The following USP42 variants were observed in gnomAD, a reference collection of about 807,000 sequenced individuals.
USP42 encodes ubiquitin carboxyl-terminal hydrolase 42.
In USP42, 23 loss-of-function variants were observed where a neutral mutation model predicts 113.0. The observed-to-expected ratio is 0.20, with a 90% CI of 0.15 to 0.29. USP42 has a LOEUF of 0.29. Among genes scored for constraint, USP42 ranks in the 10% least tolerant of loss-of-function variants. The pLI, the probability that USP42 is intolerant of heterozygous loss-of-function variation, is 1.00. For synonymous variants in USP42, 933 were observed against 699.0 expected (o/e 1.33, Z -5.28); for missense variants, 2,174 against 1,779.8 (o/e 1.22, Z -3.99).
rs760341494 is a variant in USP42 at position 6,140,936 on chromosome 7, C to T, written c.747C>T (p.Gly249=). ...RSRVKCLNCK[G]VSDTFDPYLD... The stretch of plus-strand genomic sequence containing the variant: ...CAGTCAAATGTTTAAATTGCAAGGG[C>T]GTTTCAGATACTTTTGATCCATATC... The change falls in exon 7 of 18, where the codon GGC becomes GGT. Residue 249 remains glycine, a synonymous_variant. Coordinates refer to ENST00000306177, the MANE Select transcript of USP42 (RefSeq NM_032172.3). 1.3e-5 allele frequency: 21 copies of T among 1,560,268 alleles called. No homozygotes were observed. Among genetic ancestry groups the T allele is most frequent in the South Asian group, 9.7e-5 (8 of 82,686 alleles).
Position 6,139,301 on chromosome 7 carries a change from T to C in USP42, c.656+107T>C, listed in dbSNP as rs1203130219. On this transcript the variant is annotated intron_variant, in intron 5 of 17. Coordinates refer to ENST00000306177, the MANE Select transcript of USP42 (RefSeq NM_032172.3). The surrounding 1 kb of genome is among the most constrained non-coding windows in gnomAD (Gnocchi z 4.5). ...TTTTTGTTGGAAGCACACAGAACAG[T>C]GTTCACTTTACCTTTTGGCTTTGCT... 3.5e-6 allele frequency: 3 copies of C among 852,584 alleles called. No homozygotes were observed. Among genetic ancestry groups the C allele is most frequent in the East Asian group, 2.9e-5 (1 of 34,328 alleles). The allele number at this position is 852,584 out of a possible 1,614,324, so 52.8% of individuals were successfully genotyped here. A position where few individuals can be genotyped will look rare whatever the true frequency, so the allele number is the denominator to read the frequency against.
intron 3 of USP42, among the ~76,000 whole-genome samples, chr7:6,123,749 G>A (rs1242725875): frequency 2.7e-5 from 4 of 150,254 alleles, no homozygotes; most frequent in Non-Finnish European, 5.9e-5. Flanking sequence ...TCGGGAGGCC[G>A]AGGTAGGAGA....
intron 4 of USP42, among the ~76,000 whole-genome samples, chr7:6,138,456 C>G (rs1206142091): frequency 6.6e-6 from 1 of 152,194 alleles, no homozygotes; most frequent in African/African-American, 2.4e-5. Flanking sequence ...GCATTTTGGA[C>G]AAACTTGAGA....
chr7:6,157,290 G>C lies in USP42; in HGVS notation c.3943+235G>C. The stretch of plus-strand genomic sequence containing the variant: ...CCTAAGTGACACAGGACTGAGGGCA[G>C]CACTACCTGTGTCACCAAAGCCCTG... On this transcript the variant is annotated intron_variant, in intron 16 of 17. Coordinates refer to ENST00000306177, the MANE Select transcript of USP42 (RefSeq NM_032172.3). The surrounding 1 kb of genome is among the most constrained non-coding windows in gnomAD (Gnocchi z 4.1). 10 of 1,224,742 alleles carry C rather than the reference G, an allele frequency of 8.2e-6. No individual in the cohort carries two copies. The highest frequency in any genetic ancestry group is 1.0e-5 in the Non-Finnish European group (10 of 982,878). The allele number at this position is 1,224,742 out of a possible 1,614,324, so 75.9% of individuals were successfully genotyped here.
chr7:6,106,165 A>T lies in USP42; in HGVS notation c.-10+1133A>T, dbSNP rs142307100. On this transcript the variant is annotated intron_variant, in intron 1 of 17. Coordinates refer to ENST00000306177, the MANE Select transcript of USP42 (RefSeq NM_032172.3). ...ACTTTCTCTTCTGTATCTTTGAATC[A>T]AGTCTACAGTAAGTATTTGGTTTAT... 5.4e-3 allele frequency among the ~76,000 whole-genome samples: 828 copies of T among 152,322 alleles called. 6 individuals are homozygous for T. The highest frequency in any genetic ancestry group is 8.7e-3 in the Non-Finnish European group (589 of 68,026).
chr7:6,081,957 A>G, the USP42 span, among the ~76,000 whole-genome samples: 1 of 152,112 alleles, frequency 6.6e-6, no homozygotes, highest in Non-Finnish European at 1.5e-5. Flanking sequence ...CAACACATAA[A>G]ATAACATATT....
chr7:6,139,556 TATTTCCTGAACC>T lies in USP42; in HGVS notation c.656+363_656+374del. ...TCTCTGCTGCCCTCCAGCCTGTGTT[TATTTCCTGAACC>T]CCCACCCCAATCAGTTACTGATTCT... On this transcript the variant is annotated intron_variant, in intron 5 of 17. Coordinates refer to ENST00000306177, the MANE Select transcript of USP42 (RefSeq NM_032172.3). This position sits in a 1 kb window ranked among gnomAD's most constrained non-coding sequence, Gnocchi z 4.5. The T allele has an allele frequency of 4.9e-6, 1 of 204,104 alleles. No homozygotes were observed. Among genetic ancestry groups the T allele is most frequent in the Non-Finnish European group, 9.8e-6 (1 of 101,964 alleles). 12.6% of individuals were successfully genotyped at this position (204,104 alleles called of 1,614,324 possible). A position where few individuals can be genotyped will look rare whatever the true frequency, so the allele number is the denominator to read the frequency against.
chr7:6,151,662 C>G lies in USP42; in HGVS notation c.2201+1156C>G, dbSNP rs545628515. Reference sequence around the variant, plus strand: ...TTTACCATGTTGGTCAGGCTGGTCTCAAACTCCTGACCTCAACTCATCCAC... The same window carrying G: ...TTTACCATGTTGGTCAGGCTGGTCTGAAACTCCTGACCTCAACTCATCCAC... On this transcript the variant is annotated intron_variant, in intron 14 of 17. Coordinates refer to ENST00000306177, the MANE Select transcript of USP42 (RefSeq NM_032172.3). Among the ~76,000 whole-genome samples, 9 of 152,270 alleles carry G rather than the reference C, an allele frequency of 5.9e-5. No individual in the cohort carries two copies. In the East Asian group the frequency reaches 1.7e-3, roughly 29 times the overall value.
chr7:6,091,714 C>CACACACACACACACACAT, the USP42 span, among the ~76,000 whole-genome samples: 3 of 148,802 alleles, frequency 2.0e-5, no homozygotes, highest in Admixed American at 1.3e-4. Flanking sequence ...CACACACACA[C>CACACACACACACACACAT]ATATATATGT....
In USP42 at chr7:6,149,947, G is replaced by C; in HGVS notation, c.1751G>C (p.Arg584Pro). The part of the protein sequence containing the change: ...VSSKVTKPIP[R>P]SESCSQPVMN... ...AGTAAAGTAACAAAACCGATCCCCC[G>C]CAGTGAATCCTGCTCCCAGCCCGTG... Residue 584 changes from arginine to proline, a missense_variant, in exon 13 of 18, where the codon CGC (arginine) becomes CCC (proline). Coordinates refer to ENST00000306177, the MANE Select transcript of USP42 (RefSeq NM_032172.3). The C allele has an allele frequency of 6.2e-7, 1 of 1,613,930 alleles. No individual in the cohort carries two copies. Among genetic ancestry groups the C allele is most frequent in the Non-Finnish European group, 8.5e-7 (1 of 1,179,894 alleles).
chr7:6,097,683 C>T, the USP42 span, among the ~76,000 whole-genome samples: 30 of 150,330 alleles, frequency 2.0e-4, no homozygotes, highest in Non-Finnish European at 2.8e-4. Context: ...CTCCGCCTTC[C>T]GGGATCATGC....
intron 2 of USP42, 151 bp from the exon 3 acceptor site, chr7:6,115,172 T>C: frequency 1.4e-6 from 1 of 731,114 alleles, no homozygotes; most frequent in Non-Finnish European, 2.2e-6. Flanking sequence ...GGTTTCTGTC[T>C]TTTAAAATGT....
intron 1 of USP42, among the ~76,000 whole-genome samples, chr7:6,105,689 TCCCCAAAAGCATGTGTGC>T (rs1406791812): frequency 1.3e-5 from 2 of 152,162 alleles, no homozygotes; most frequent in Non-Finnish European, 2.9e-5. Flanking sequence ...GGGTGGCGCG[TCCCCAAAAGCATGTGTGC>T]CTCTCTAGCG....
the USP42 span, among the ~76,000 whole-genome samples, chr7:6,093,644 T>A: frequency 7.0e-6 from 1 of 143,020 alleles, no homozygotes; most frequent in Non-Finnish European, 1.5e-5. Flanking sequence ...TCTCCTTTCC[T>A]TACCTCTTTC....
At chr7:6,142,663 G>A (rs944855174) in intron 7 of USP42, among the ~76,000 whole-genome samples, 2 of 152,116 alleles carry the variant, frequency 1.3e-5, no homozygotes, top group African/African-American at 4.8e-5. Context: ...TGGGAGGATC[G>A]CTTGAGCCCA....
intron 3 of USP42, among the ~76,000 whole-genome samples, chr7:6,118,429 G>T (rs1780031809): frequency 6.6e-6 from 1 of 152,042 alleles, no homozygotes; most frequent in Non-Finnish European, 1.5e-5. Context: ...GACTGAGGTG[G>T]GAGGATCACA....
At chr7:6,082,610 T>G in the USP42 span, among the ~76,000 whole-genome samples, 3 of 82,292 alleles carry the variant, frequency 3.6e-5, no homozygotes, top group East Asian at 2.7e-4. Flanking sequence ...TCTGTTTTTT[T>G]TTTTTTTTTT....
At position 6,114,656 on chromosome 7, in the gene USP42, G is replaced by GTATATATA. The variant is rs71008362; in HGVS notation, c.242-651_242-644dup. Among the ~76,000 whole-genome samples the GTATATATA allele has an allele frequency of 5.2e-3, 314 of 60,464 alleles. 12 individuals are homozygous for GTATATATA. The highest frequency in any genetic ancestry group is 0.037 in the East Asian group (42 of 1,150). 39.7% of individuals were successfully genotyped at this position (60,464 alleles called of 152,430 possible). A position where few individuals can be genotyped will look rare whatever the true frequency, so the allele number is the denominator to read the frequency against. ...TGTGTGTATATATGTATGTGTGTGT[G>GTATATATA]TATATATATATATATATATATATTT... On this transcript the variant is annotated intron_variant, in intron 2 of 17. Coordinates refer to ENST00000306177, the MANE Select transcript of USP42 (RefSeq NM_032172.3).
At chr7:6,135,766 C>A in intron 3 of USP42, 75 bp from the exon 4 acceptor site, 1 of 728,080 alleles carries the variant, frequency 1.4e-6, no homozygotes. Context: ...GTGTGTGCCC[C>A]TGATTTGTAA....
Sources: allele counts gnomAD v4.1 joint callset (sites outside exome capture counted in the v4.1 genomes callset), GRCh38; gene constraint gnomAD v4.1.1; non-coding constraint Gnocchi (gnomAD v3.1); transcripts MANE v1.5; gene names NCBI Gene and HGNC (gene_info 2026-07-23, HGNC 2026-07-21).